The following RIF1 variants were observed in gnomAD, a reference collection of about 807,000 sequenced individuals.
RIF1 encodes replication timing regulatory factor 1.
A neutral mutation model predicts 247.1 loss-of-function variants in RIF1; 45 were observed. The observed-to-expected ratio is 0.18, with a 90% CI of 0.14 to 0.23. The LOEUF is 0.23. RIF1 is among the 10% of genes least tolerant of loss of function. The pLI, the probability that RIF1 is intolerant of heterozygous loss-of-function variation, is 1.00. For synonymous variants in RIF1, 1,087 were observed against 978.8 expected, an observed-to-expected ratio of 1.11 and a Z score of -2.06; for missense variants, 2,967 against 2,862.5, an observed-to-expected ratio of 1.04 and a Z score of -0.83.
At chr2:151,526,605 A>G in the RIF1 span, among the ~76,000 whole-genome samples, 1 of 152,182 alleles carries the variant, frequency 6.6e-6, no homozygotes, top group African/African-American at 2.4e-5. Flanking sequence ...GGAAAGTATG[A>G]TCCCATAGAA....
chr2:151,465,589 A>C lies in RIF1; in HGVS notation c.6069A>C (p.Glu2023Asp). 2 of 1,614,008 alleles carry C rather than the reference A, an allele frequency of 1.2e-6. No homozygotes were observed. Among genetic ancestry groups the C allele is most frequent in the Non-Finnish European group, 1.7e-6 (2 of 1,179,924 alleles). The change falls in exon 30 of 36, where the codon GAA (glutamate) becomes GAC (aspartate). Residue 2023 changes from glutamate (E) to aspartate (D), a missense_variant. Physicochemically the swap from Glu to Asp is conservative, Grantham distance 45 (BLOSUM62 2). This residue lies in a region of RIF1 where 2,028 missense variants were observed against 1,825.6 expected (regional missense o/e 1.11). Coordinates refer to ENST00000444746, the MANE Select transcript of RIF1 (RefSeq NM_018151.5). ...ETNTKMKNNEEMMIGEAMAET... is the reference protein window; with the variant it reads ...ETNTKMKNNEDMMIGEAMAET... ...ATACCAAAATGAAAAATAATGAAGA[A>C]ATGATGATCGGCGAGGCAATGGCTG... is the stretch of plus-strand genomic sequence containing the variant.
At chr2:151,458,226 A>ATTTTTTTTTTTT (rs71403171) in intron 24 of RIF1, among the ~76,000 whole-genome samples, 3 of 99,176 alleles carry the variant, frequency 3.0e-5, no homozygotes, top group African/African-American at 3.6e-5. Flanking sequence ...GAAATAGATG[A>ATTTTTTTTTTTT]TTTTTTTTTT....
At chr2:151,491,601 CT>C in intron 9 of RIF1, 1 of 1,205,874 alleles carries the variant, frequency 8.3e-7, no homozygotes, top group Non-Finnish European at 1.2e-6. Context: ...AGGGAAGGAA[CT>C]TCAGAGCCCA....
chr2:151,433,332 G>T, intron 10 of RIF1, 104 bp downstream of exon 10: 1 of 779,462 alleles, frequency 1.3e-6, no homozygotes, highest in Non-Finnish European at 2.0e-6. Context: ...TTTATTAGCA[G>T]ACTAGAACAT....
chr2:151,450,796 C>G (rs1476134114), intron 20 of RIF1, among the ~76,000 whole-genome samples: 1 of 152,122 alleles, frequency 6.6e-6, no homozygotes, highest in Admixed American at 6.5e-5. Flanking sequence ...GTTGGCCAGG[C>G]TGGTCTCGAA....
the RIF1 span, among the ~76,000 whole-genome samples, chr2:151,521,460 T>C: frequency 6.6e-6 from 1 of 152,102 alleles, no homozygotes; most frequent in Non-Finnish European, 1.5e-5. Context: ...AGCTGGTGTC[T>C]GGACCAAAGG....
rs958039460 is a variant in RIF1, at chr2:151,420,138, T to C, written c.504-52T>C. On this transcript the variant is annotated intron_variant, in intron 6 of 35. Coordinates refer to ENST00000444746, the MANE Select transcript of RIF1 (RefSeq NM_018151.5). ...TGTTTCACCTATTTTACTGCTTGTT[T>C]AGACTTAAAACATGAGGTCACGCTA... is the stretch of plus-strand genomic sequence containing the variant. 4.7e-5 allele frequency: 71 copies of C among 1,518,698 alleles called. 1 individual carries two copies. Among genetic ancestry groups the C allele is most frequent in the Non-Finnish European group, 6.2e-5 (69 of 1,111,374 alleles). 94.1% of individuals were successfully genotyped at this position (1,518,698 alleles called of 1,614,324 possible). A position where few individuals can be genotyped will look rare whatever the true frequency, so the allele number is the denominator to read the frequency against.
chr2:151,474,055 A>C lies in RIF1; in HGVS notation c.7187A>C (p.Glu2396Ala). ...GIENKSLSPD[E>A]ERLVSDIIDP... ...GAAAATAAATCTTTGTCACCTGATG[A>C]AGAAAGACTTGTCTCAGGTATATTT... Residue 2396 changes from glutamate (E) to alanine (A), a missense_variant, in exon 35 of 36, where the codon GAA becomes GCA. Transcript: ENST00000444746. 1 of 1,509,732 alleles carries C rather than the reference A, an allele frequency of 6.6e-7. No homozygotes were observed. 93.5% of individuals were successfully genotyped at this position (1,509,732 alleles called of 1,614,324 possible). A position where few individuals can be genotyped will look rare whatever the true frequency, so the allele number is the denominator to read the frequency against.
At chr2:151,508,097 C>T (rs1476557676), downstream of RIF1, 15 of 1,604,790 alleles carry the variant, frequency 9.3e-6, no homozygotes, top group Non-Finnish European at 1.3e-5. Flanking sequence ...TCAGCATCTT[C>T]CTTGTACTTT....
At chr2:151,446,720 G>T in intron 20 of RIF1, 145 bp downstream of exon 20, 2 of 842,062 alleles carry the variant, frequency 2.4e-6, no homozygotes, top group Admixed American at 2.5e-5. Context: ...TATGCTTTGT[G>T]TAACAGTTTT....
At chr2:151,510,421 A>G (rs2073240281), downstream of RIF1, among the ~76,000 whole-genome samples, 2 of 152,224 alleles carry the variant, frequency 1.3e-5, no homozygotes, top group Admixed American at 6.5e-5. Context: ...TTAACCATTC[A>G]TTTAGTACTC....
rs756199413 is a variant in RIF1, at chr2:151,463,148, A to G, written c.3628A>G (p.Thr1210Ala). The G allele has an allele frequency of 1.2e-6, 2 of 1,614,006 alleles. No individual in the cohort carries two copies. Among genetic ancestry groups the G allele is most frequent in the Admixed American group, 3.3e-5 (2 of 60,004 alleles). ...AGTTTCTAATACCACTGTTGCTGGAACTCCCCCATACCCTACAAGTCGGAG... is the reference window on the plus strand; with the variant it reads ...AGTTTCTAATACCACTGTTGCTGGAGCTCCCCCATACCCTACAAGTCGGAG... ...SSVSNTTVAG[T>A]PPYPTSRRQT... The change falls in exon 30 of 36, where the codon ACT (threonine) becomes GCT (alanine). Residue 1210 changes from threonine to alanine, a missense_variant. Physicochemically the swap from Thr to Ala is moderately conservative, Grantham distance 58 (BLOSUM62 0). Coordinates refer to ENST00000444746, the MANE Select transcript of RIF1 (RefSeq NM_018151.5).
Position 151,455,973 on chromosome 2 carries a change from A to G in RIF1, c.2610-605A>G, listed in dbSNP as rs552640020. The stretch of plus-strand genomic sequence containing the variant: ...TATTTATACGTAAATCATTGCCCAC[A>G]TTTGCCACTATTTCTGGGTATACAC... On this transcript the variant is annotated intron_variant, in intron 22 of 35. Coordinates refer to ENST00000444746, the MANE Select transcript of RIF1 (RefSeq NM_018151.5). Among the ~76,000 whole-genome samples, 3 of 152,240 alleles carry G rather than the reference A, an allele frequency of 2.0e-5. No individual in the cohort carries two copies. The South Asian group carries it at 6.2e-4, about 32-fold the overall frequency.
chr2:151,451,756 C>T, intron 21 of RIF1, 51 bp downstream of exon 21: 1 of 956,016 alleles, frequency 1.0e-6, no homozygotes. Flanking sequence ...ATAAGCAGTA[C>T]TGAACTTTGC....
At chr2:151,422,185 T>A (rs1450040252) in intron 7 of RIF1, among the ~76,000 whole-genome samples, 2 of 152,190 alleles carry the variant, frequency 1.3e-5, no homozygotes, top group African/African-American at 4.8e-5. Context: ...TATATGAAAT[T>A]CTTTATATAA....
At position 151,475,047 on chromosome 2, in the gene RIF1, A is replaced by G. The variant is rs762593312; in HGVS notation, c.7395A>G (p.Ser2465=). The G allele has an allele frequency of 5.0e-6, 8 of 1,611,644 alleles. No individual in the cohort carries two copies. Among genetic ancestry groups the G allele is most frequent in the Non-Finnish European group, 6.8e-6 (8 of 1,178,068 alleles). ...VIKNLQSRWR[S]PSHENSI is the part of the protein sequence containing the mutation. Reference sequence around the variant, plus strand: ...AAAATCTACAGTCACGTTGGAGATCACCATCCCATGAAAATTCTATTTAGT... The same window carrying G: ...AAAATCTACAGTCACGTTGGAGATCGCCATCCCATGAAAATTCTATTTAGT... The change falls in exon 36 of 36, where the codon TCA becomes TCG. Residue 2465 remains serine (S), a synonymous_variant. Coordinates refer to ENST00000444746, the MANE Select transcript of RIF1 (RefSeq NM_018151.5).
Position 151,428,785 on chromosome 2 carries a change from C to T in RIF1, c.788C>T (p.Thr263Ile). ...TTAATGATTTTTTCCCCTTTTTAGA[C>T]CTTGCATCGAAGTGGGAGTTTCATC... Reference protein sequence around the residue: ...WPLFVKLLGRTLHRSGSFINS... With the variant: ...WPLFVKLLGRILHRSGSFINS... Residue 263 changes from threonine to isoleucine, a missense_variant and splice_region_variant, in exon 9 of 36, where the codon ACC becomes ATC. Physicochemically the swap from Thr to Ile is moderately conservative, Grantham distance 89 (BLOSUM62 -1). Transcript: ENST00000444746. 1.9e-6 allele frequency: 3 copies of T among 1,601,700 alleles called. No homozygotes were observed. The highest frequency in any genetic ancestry group is 1.3e-5 in the African/African-American group (1 of 74,722).
At chr2:151,428,139 G>GA in intron 8 of RIF1, among the ~76,000 whole-genome samples, 1 of 152,286 alleles carries the variant, frequency 6.6e-6, no homozygotes, top group East Asian at 1.9e-4. Flanking sequence ...TGAGGCAGGA[G>GA]AATCACTTGA....
chr2:151,453,145 G>A (rs1694613070), intron 21 of RIF1, among the ~76,000 whole-genome samples: 1 of 152,080 alleles, frequency 6.6e-6, no homozygotes, highest in African/African-American at 2.4e-5. Context: ...ATGGTTGATT[G>A]CATTTATCTT....
Sources: allele counts gnomAD v4.1 joint callset (sites outside exome capture counted in the v4.1 genomes callset), GRCh38; gene constraint gnomAD v4.1.1; regional missense constraint gnomAD v4.1.1; transcripts MANE v1.5; gene names NCBI Gene and HGNC (gene_info 2026-07-23, HGNC 2026-07-21).